The following CPT1B variants were observed in gnomAD, a reference collection of about 807,000 sequenced individuals.
The protein encoded by CPT1B is carnitine O-palmitoyltransferase 1, muscle isoform.
A neutral mutation model predicts 92.7 loss-of-function variants in CPT1B; 57 were observed. That is an observed-to-expected ratio of 0.62 (90% CI 0.50 to 0.77). The LOEUF is 0.77. CPT1B is among the 30% of genes least tolerant of loss of function. The pLI, the probability that CPT1B is intolerant of heterozygous loss-of-function variation, is 0.00. For missense variants in CPT1B, 983 were observed against 1,017.4 expected, an observed-to-expected ratio of 0.97 and a Z score of 0.46; for synonymous variants, 398 against 383.5, an observed-to-expected ratio of 1.04 and a Z score of -0.44.
At chr22:50,575,649 G>A (rs2070395543) in intron 7 of CPT1B, among the ~76,000 whole-genome samples, 1 of 152,210 alleles carries the variant, frequency 6.6e-6, no homozygotes, top group Non-Finnish European at 1.5e-5. Context: ...TCTGCAGAGG[G>A]ACACAAAGCA....
Position 50,571,399 on chromosome 22 carries a change from G to A in CPT1B, c.1716C>T (p.Ile572=), listed in dbSNP as rs760088301. 9.9e-6 allele frequency: 16 copies of A among 1,613,782 alleles called. No homozygotes were observed. Among genetic ancestry groups the A allele is most frequent in the South Asian group, 2.2e-5 (2 of 91,086 alleles). ...CCCGGAAGTGAGCCAGCTGCAGCGC[G>A]ATCTGCACAAAGGCATCAGGGCTGG... ...CRTSPDAFVQ[I]ALQLAHFRDR... The change falls in exon 14 of 20, where the codon ATC becomes ATT. Residue 572 remains isoleucine (I), a synonymous_variant. Coordinates refer to ENST00000312108, the MANE Select transcript of CPT1B (RefSeq NM_152246.3).
chr22:50,575,743 AAG>A (rs1399619037), intron 7 of CPT1B, among the ~76,000 whole-genome samples: 2 of 152,160 alleles, frequency 1.3e-5, no homozygotes, highest in African/African-American at 4.8e-5. Context: ...AAACCAAGGA[AAG>A]AGGTGACAGA....
Position 50,573,981 on chromosome 22 carries a change from G to C in CPT1B, c.971-266C>G, listed in dbSNP as rs533678497. 3.0e-5 allele frequency: 21 copies of C among 701,688 alleles called. No homozygotes were observed. The Admixed American group carries it at 4.2e-4, about 14-fold the overall frequency. 43.5% of individuals were successfully genotyped at this position (701,688 alleles called of 1,614,324 possible). On this transcript the variant is annotated intron_variant, in intron 9 of 19. Coordinates refer to ENST00000312108, the MANE Select transcript of CPT1B (RefSeq NM_152246.3). This position sits in a 1 kb window ranked among gnomAD's most constrained non-coding sequence, Gnocchi z 5.0. Reference sequence around the variant, plus strand: ...CTAGAGGGTTGTGCAAACCGCCTAAGGATACAGTGTCAGAAGCAGGGAAGG... The same window carrying C: ...CTAGAGGGTTGTGCAAACCGCCTAACGATACAGTGTCAGAAGCAGGGAAGG...
rs773974445 is a variant in CPT1B, at chr22:50,571,465, C to G, written c.1650G>C (p.Gln550His). The G allele has an allele frequency of 6.2e-7, 1 of 1,613,806 alleles. No individual in the cohort carries two copies. The highest frequency in any genetic ancestry group is 2.2e-5 in the East Asian group (1 of 44,886). The change falls in exon 14 of 20, where the codon CAG becomes CAC. Residue 550 changes from glutamine to histidine, a missense_variant. Physicochemically the swap from Gln to His is conservative, Grantham distance 24. Transcript: ENST00000312108. ...TGAGGCCTTTGCCAAAGGGCAGGAA[C>G]TGGAAGCAGTACAACTCCACGTCGT... Reference protein sequence around the residue: ...LADDVELYCFQFLPFGKGLIK... With the variant: ...LADDVELYCFHFLPFGKGLIK...
Position 50,569,567 on chromosome 22 carries a change from G to A in CPT1B, c.2235+9C>T, listed in dbSNP as rs1342349105. 4 of 1,613,478 alleles carry A rather than the reference G, an allele frequency of 2.5e-6. No individual in the cohort carries two copies. In the African/African-American group the frequency reaches 4.0e-5, roughly 16 times the overall value. The stretch of plus-strand genomic sequence containing the variant: ...CTTCCTCAGGCCTGAGCTGTGGCAG[G>A]AGACTCACCGTCTCTGAGCTTGAGA... On this transcript the variant is annotated intron_variant, in intron 18 of 19. Coordinates refer to ENST00000312108, the MANE Select transcript of CPT1B (RefSeq NM_152246.3).
chr22:50,577,869 G>A lies in CPT1B; in HGVS notation c.47C>T (p.Pro16Leu), dbSNP rs934442302. ...QAVAFQFTVTPDGVDFRLSRE... is the reference protein window; with the variant it reads ...QAVAFQFTVTLDGVDFRLSRE... ...ACTGAGCCGGAAGTCGACCCCGTCT[G>A]GGGTCACCGTGAACTGGAAGGCCAC... The change falls in exon 2 of 20, where the codon CCA (proline) becomes CTA (leucine). Residue 16 changes from proline (P) to leucine (L), a missense_variant. Physicochemically the swap from Pro to Leu is moderately conservative, Grantham distance 98 (BLOSUM62 -3). Transcript: ENST00000312108. 6.2e-7 allele frequency: 1 copy of A among 1,613,428 alleles called. No individual in the cohort carries two copies. The highest frequency in any genetic ancestry group is 1.3e-5 in the African/African-American group (1 of 75,072).
At chr22:50,571,918 C>T (rs2070193496) in intron 13 of CPT1B, 88 bp downstream of exon 13, 2 of 1,223,126 alleles carry the variant, frequency 1.6e-6, no homozygotes, top group South Asian at 2.6e-5. Context: ...GTGAGGCCAG[C>T]AGGGGAGGAG....
At chr22:50,570,632 A>G (rs2070119603) in intron 16 of CPT1B, among the ~76,000 whole-genome samples, 1 of 152,176 alleles carries the variant, frequency 6.6e-6, no homozygotes, top group Non-Finnish European at 1.5e-5. Flanking sequence ...TAGTCTCAGT[A>G]GTGCTGTCAC....
At chr22:50,575,906 G>A (rs2070406738) in intron 7 of CPT1B, 129 bp downstream of exon 7, 2 of 803,606 alleles carry the variant, frequency 2.5e-6, no homozygotes, top group South Asian at 1.6e-5. Flanking sequence ...TTTCCCTCAG[G>A]CCTCACTCCA....
rs375480699 is a variant in CPT1B, at chr22:50,571,486, G to A, written c.1629C>T (p.Asp543=). The A allele has an allele frequency of 1.0e-4, 165 of 1,613,468 alleles. No individual in the cohort carries two copies. The highest frequency in any genetic ancestry group is 1.2e-4 in the Non-Finnish European group (147 of 1,180,040). Residue 543 remains aspartate (D), a synonymous_variant, in exon 14 of 20, where the codon GAC becomes GAT. Coordinates refer to ENST00000312108, the MANE Select transcript of CPT1B (RefSeq NM_152246.3). ...SYQVAKALAD[D]VELYCFQFLP... is the part of the protein sequence containing the mutation. ...GGAACTGGAAGCAGTACAACTCCAC[G>A]TCGTCTGCCAACGCCTTGGCCACCT...
rs531707041 is a variant in CPT1B at position 50,574,136 on chromosome 22, GA to G, written c.970+198del. On this transcript the variant is annotated intron_variant, in intron 9 of 19. Transcript: ENST00000312108. ...ACCATGCGCAGTGAGCCCCGGAGGG[GA>G]GGGGCTCTGCTCTGGGCCCTGTGGG... is the stretch of plus-strand genomic sequence containing the variant. Among the ~76,000 whole-genome samples the G allele has an allele frequency of 2.6e-5, 4 of 152,360 alleles. No homozygotes were observed. The East Asian group carries it at 7.7e-4, about 29-fold the overall frequency.
chr22:50,573,904 C>G lies in CPT1B; in HGVS notation c.971-189G>C. The G allele has an allele frequency of 1.4e-6, 1 of 716,658 alleles. No individual in the cohort carries two copies. Among genetic ancestry groups the G allele is most frequent in the Non-Finnish European group, 2.6e-6 (1 of 385,654 alleles). 44.4% of individuals were successfully genotyped at this position (716,658 alleles called of 1,614,324 possible). A position where few individuals can be genotyped will look rare whatever the true frequency, so the allele number is the denominator to read the frequency against. On this transcript the variant is annotated intron_variant, in intron 9 of 19. Transcript: ENST00000312108. This position sits in a 1 kb window ranked among gnomAD's most constrained non-coding sequence, Gnocchi z 5.0. Reference sequence around the variant, plus strand: ...TGTGCTGGGTGCTTCCACTCTCTCTCACGCAACACCAACAATCCTATAAAG... The same window carrying G: ...TGTGCTGGGTGCTTCCACTCTCTCTGACGCAACACCAACAATCCTATAAAG...
At position 50,577,440 on chromosome 22, in the gene CPT1B, G is replaced by A. The variant is rs765086648; in HGVS notation, c.165C>T (p.Tyr55=). The change falls in exon 3 of 20, where the codon TAC becomes TAT. Residue 55 remains tyrosine (Y), a synonymous_variant. Coordinates refer to ENST00000312108, the MANE Select transcript of CPT1B (RefSeq NM_152246.3). ...CCAGCCAGCTGGTGGGGCTGCCAGG[G>A]TACACGCCCCTGAGGATGCCATTCT... ...RIKNGILRGV[Y]PGSPTSWLVV... 3.1e-6 allele frequency: 5 copies of A among 1,613,678 alleles called. No homozygotes were observed. Among genetic ancestry groups the A allele is most frequent in the East Asian group, 4.5e-5 (2 of 44,896 alleles).
At chr22:50,577,186 T>C in intron 3 of CPT1B, 138 bp downstream of exon 3, 3 of 1,373,832 alleles carry the variant, frequency 2.2e-6, no homozygotes, top group Non-Finnish European at 3.0e-6. Context: ...GCTAAGACAA[T>C]GGTTGTCATA....
At position 50,573,705 on chromosome 22, in the gene CPT1B, C is replaced by A. The variant is rs752450827; in HGVS notation, c.981G>T (p.Gln327His). The change falls in exon 10 of 20, where the codon CAG becomes CAT. Residue 327 changes from glutamine to histidine, a missense_variant. Coordinates refer to ENST00000312108, the MANE Select transcript of CPT1B (RefSeq NM_152246.3). The surrounding 1 kb of genome is among the most constrained non-coding windows in gnomAD (Gnocchi z 5.0). The stretch of plus-strand genomic sequence containing the variant: ...CCACGTGCCGGCTGTCTGAGAGGTG[C>A]TGTAGCACATCTGTGATACAGGCCA... ...RIPGKDTDVL[Q>H]HLSDSRHVAV... 4 of 1,612,364 alleles carry A rather than the reference C, an allele frequency of 2.5e-6. No homozygotes were observed. In the Middle Eastern group the frequency reaches 5.0e-4, roughly 200 times the overall value.
chr22:50,578,009 C>CCAGTCCGCG, intron 1 of CPT1B, 75 bp from the exon 2 acceptor site: 1 of 1,125,374 alleles, frequency 8.9e-7, no homozygotes, highest in Non-Finnish European at 1.1e-6. Context: ...ACGCCCCCAG[C>CCAGTCCGCG]CAGTCCGCGA....
At chr22:50,569,714 A>G (rs769295620) in intron 17 of CPT1B, 46 bp from the exon 18 acceptor site, 6 of 1,484,646 alleles carry the variant, frequency 4.0e-6, no homozygotes, top group Middle Eastern at 1.7e-4. Context: ...CAAACCTTGA[A>G]GATCTGAAAG....
intron 11 of CPT1B, among the ~76,000 whole-genome samples, 188 bp downstream of exon 11, chr22:50,572,687 G>A (rs916821453): frequency 2.6e-5 from 4 of 152,194 alleles, no homozygotes; most frequent in African/African-American, 9.7e-5. Context: ...GTCTCGCTCC[G>A]TTGCCCAGGC....
chr22:50,577,310 G>C lies in CPT1B; in HGVS notation c.281+14C>G. ...CCCTGGTGGCACCTGTGCCCTTCCA[G>C]TTTCACTCCTTACCCCTGAGGGAGG... On this transcript the variant is annotated intron_variant, in intron 3 of 19. Coordinates refer to ENST00000312108, the MANE Select transcript of CPT1B (RefSeq NM_152246.3). 1 of 1,613,410 alleles carries C rather than the reference G, an allele frequency of 6.2e-7. No homozygotes were observed. Among genetic ancestry groups the C allele is most frequent in the Non-Finnish European group, 8.5e-7 (1 of 1,179,852 alleles).
Sources: gnomAD v4.1 joint callset for allele counts (sites outside exome capture counted in the v4.1 genomes callset) on GRCh38, gnomAD v4.1.1 for gene constraint, Gnocchi (gnomAD v3.1) non-coding constraint, MANE v1.5 for transcripts, NCBI Gene and HGNC (gene_info 2026-07-23, HGNC 2026-07-21) for gene names.